The following ATG7 variants were observed in gnomAD, a reference collection of about 807,000 sequenced individuals.
ATG7 encodes the protein ubiquitin-like modifier-activating enzyme ATG7.
ATG7 carries 70 observed loss-of-function variants against 82.4 expected under a neutral mutation model. The ratio of observed to expected loss-of-function variants is 0.85; its 90% CI spans 0.70 to 1.04. The LOEUF (loss-of-function observed/expected upper bound fraction) is 1.04. Among genes scored for constraint, ATG7 ranks in the 50% least tolerant of loss-of-function variants. The probability of loss-of-function intolerance (pLI) is 0.00; values close to 1 mark genes in which losing one functional copy is unlikely to be tolerated. For missense variants in ATG7, 792 were observed against 864.3 expected (o/e 0.92, Z 1.05); for synonymous variants, 287 against 313.0 (o/e 0.92, Z 0.88).
rs533842736 is a variant in ATG7 at position 11,341,694 on chromosome 3, C to T, written c.981-441C>T. 3.3e-5 allele frequency among the ~76,000 whole-genome samples: 5 copies of T among 152,092 alleles called. No homozygotes were observed. The South Asian group carries it at 1.0e-3, about 32-fold the overall frequency. On this transcript the variant is annotated intron_variant, in intron 12 of 20. Transcript: ENST00000693202. ...AACTCCTGACCTCAGGTGATCCGCC[C>T]GCTTTGGCCTCCCAAAGCGCTAGGA...
At chr3:11,317,344 A>G (rs1484717788) in intron 9 of ATG7, among the ~76,000 whole-genome samples, 1 of 152,196 alleles carries the variant, frequency 6.6e-6, no homozygotes, top group East Asian at 1.9e-4. Flanking sequence ...GTCAGGTTGT[A>G]TGTGGTAAAT....
chr3:11,575,447 G>T, the ATG7 span, among the ~76,000 whole-genome samples: 1,364 of 152,308 alleles, frequency 9.0e-3, 120 homozygotes, highest in East Asian at 0.18. Flanking sequence ...TGCATCGTGT[G>T]TGAGTCTGCC....
At chr3:11,488,604 C>T in intron 20 of ATG7, 3 of 503,092 alleles carry the variant, frequency 6.0e-6, no homozygotes, top group Non-Finnish European at 5.8e-6. Flanking sequence ...AGCCACCGAC[C>T]CCAGCCCGCG....
rs556181683 is a variant in ATG7, at chr3:11,488,506, G to A, written c.2079+61580G>A. 3.7e-4 allele frequency: 457 copies of A among 1,234,770 alleles called. No individual in the cohort carries two copies. In the African/African-American group the frequency reaches 6.2e-3, roughly 17 times the overall value. The allele number at this position is 1,234,770 out of a possible 1,614,324, so 76.5% of individuals were successfully genotyped here. A position where few individuals can be genotyped will look rare whatever the true frequency, so the allele number is the denominator to read the frequency against. On this transcript the variant is annotated intron_variant, in intron 20 of 20. Transcript: ENST00000693202. ...GCTGGGGCCCGCGGGTGTCAGCGCCGCGACTGTCCCGGCTCCGCACTGCCC... is the reference window on the plus strand; with the variant it reads ...GCTGGGGCCCGCGGGTGTCAGCGCCACGACTGTCCCGGCTCCGCACTGCCC...
In ATG7 at chr3:11,511,591, C is replaced by T. The variant is rs562501857; in HGVS notation, c.2080-43220C>T. Among the ~76,000 whole-genome samples the T allele has an allele frequency of 2.7e-4, 41 of 152,342 alleles. No homozygotes were observed. In the South Asian group the frequency reaches 4.1e-3, roughly 15 times the overall value. ...AGCTGCCTGCCAGTCCCGTACTGTG[C>T]GCTCACACTCCTCAGCCCTTGGGCG... On this transcript the variant is annotated intron_variant, in intron 20 of 20. Coordinates refer to ENST00000693202, the MANE Select transcript of ATG7 (RefSeq NM_001349232.2).
intron 9 of ATG7, among the ~76,000 whole-genome samples, chr3:11,326,602 G>A (rs879385819): frequency 6.6e-6 from 1 of 152,164 alleles, no homozygotes; most frequent in East Asian, 1.9e-4. Context: ...CCGGCCTAGA[G>A]TTGTAAATGC....
intron 20 of ATG7, among the ~76,000 whole-genome samples, chr3:11,518,247 T>C (rs2092337570): frequency 1.3e-5 from 1 of 77,484 alleles, no homozygotes; most frequent in Non-Finnish European, 3.1e-5. Context: ...CAAGACTGTA[T>C]TGAAAAACCT....
chr3:11,296,035 C>T (rs1326434657), intron 3 of ATG7, among the ~76,000 whole-genome samples: 1 of 152,222 alleles, frequency 6.6e-6, no homozygotes, highest in Non-Finnish European at 1.5e-5. Context: ...GCCTTGGCCT[C>T]CCAAAGTGCT....
chr3:11,417,805 A>ATTATTTT (rs1559578331), intron 19 of ATG7, among the ~76,000 whole-genome samples: 18 of 52,744 alleles, frequency 3.4e-4, no homozygotes, highest in East Asian at 1.5e-3. Flanking sequence ...TTATTATTTT[A>ATTATTTT]TTTTATTTTA....
intron 18 of ATG7, among the ~76,000 whole-genome samples, chr3:11,365,709 G>A (rs566838196): frequency 6.6e-5 from 10 of 152,238 alleles, no homozygotes; most frequent in African/African-American, 2.4e-4. Flanking sequence ...AGCTAGGGCG[G>A]CACTGTCATA....
At chr3:11,501,941 G>A (rs1307105598) in intron 20 of ATG7, among the ~76,000 whole-genome samples, 2 of 151,946 alleles carry the variant, frequency 1.3e-5, no homozygotes, top group Admixed American at 6.6e-5. Flanking sequence ...CCCCTGCCTC[G>A]GCCTCCCAAA....
intron 11 of ATG7, among the ~76,000 whole-genome samples, chr3:11,335,813 T>C (rs951643648): frequency 3.3e-5 from 5 of 152,154 alleles, no homozygotes; most frequent in African/African-American, 1.2e-4. Context: ...TTCTCCAGAC[T>C]CAGCCTCCCG....
intron 9 of ATG7, among the ~76,000 whole-genome samples, chr3:11,319,270 C>T (rs2594993): frequency 0.87 from 132,337 of 152,272 alleles, 57,801 homozygotes; most frequent in East Asian, 1. Context: ...AGTTTCCCTT[C>T]GAGCCACGAC....
intron 20 of ATG7, among the ~76,000 whole-genome samples, chr3:11,548,377 A>C (rs925622908): frequency 3.3e-5 from 5 of 152,186 alleles, no homozygotes; most frequent in African/African-American, 4.8e-5. Flanking sequence ...TGGAAGCACA[A>C]AAATTTTAAA....
intron 20 of ATG7, among the ~76,000 whole-genome samples, chr3:11,434,445 T>C (rs914438781): frequency 2.0e-5 from 3 of 152,188 alleles, no homozygotes; most frequent in Non-Finnish European, 4.4e-5. Context: ...ATCCTGGGAC[T>C]GTGCCCTGCC....
At chr3:11,319,478 C>G (rs1949918250) in intron 9 of ATG7, among the ~76,000 whole-genome samples, 1 of 152,146 alleles carries the variant, frequency 6.6e-6, no homozygotes, top group Non-Finnish European at 1.5e-5. Flanking sequence ...TGTTGGAATC[C>G]CTCTGAGTTT....
chr3:11,514,228 A>G (rs1397678297), intron 20 of ATG7, among the ~76,000 whole-genome samples: 1 of 152,228 alleles, frequency 6.6e-6, no homozygotes, highest in Non-Finnish European at 1.5e-5. Flanking sequence ...GGTTGAGTCA[A>G]GATTGGAATC....
the ATG7 span, among the ~76,000 whole-genome samples, chr3:11,563,370 C>G: frequency 6.6e-6 from 1 of 152,230 alleles, no homozygotes; most frequent in Admixed American, 6.5e-5. Flanking sequence ...CTTCCCAAAG[C>G]AGAAAGGTCC....
At chr3:11,446,481 T>G (rs1353439497) in intron 20 of ATG7, 5 of 438,484 alleles carry the variant, frequency 1.1e-5, no homozygotes, top group Middle Eastern at 3.3e-4. Flanking sequence ...TCATTCAAAA[T>G]ACTTTATTGT....
Sources: gnomAD v4.1 joint callset for allele counts (sites outside exome capture counted in the v4.1 genomes callset) on GRCh38, gnomAD v4.1.1 for gene constraint, MANE v1.5 for transcripts, NCBI Gene and HGNC (gene_info 2026-07-23, HGNC 2026-07-21) for gene names.